Variants in GREB1 observed in about 807,000 individuals in gnomAD.
The protein encoded by GREB1 is protein GREB1.
In GREB1, 106 loss-of-function variants were observed where a neutral mutation model predicts 200.7. The observed-to-expected ratio is 0.53, with a 90% CI of 0.45 to 0.62. The LOEUF is 0.62. GREB1 is among the 20% of genes least tolerant of loss of function. The pLI, the probability that GREB1 is intolerant of heterozygous loss-of-function variation, is 0.00. For synonymous variants in GREB1, 1,132 were observed against 1,092.4 expected, an observed-to-expected ratio of 1.04 and a Z score of -0.72; for missense variants, 2,243 against 2,556.8, an observed-to-expected ratio of 0.88 and a Z score of 2.65.
chr2:11,508,274 T>C (rs1572564689), intron 1 of GREB1, among the ~76,000 whole-genome samples: 1 of 152,318 alleles, frequency 6.6e-6, no homozygotes, highest in African/African-American at 2.4e-5. Flanking sequence ...GGAATTTCTA[T>C]TTCCTCCAGG....
chr2:11,490,684 G>A (rs1672757106), intron 1 of GREB1, among the ~76,000 whole-genome samples: 1 of 152,180 alleles, frequency 6.6e-6, no homozygotes, highest in South Asian at 2.1e-4. Flanking sequence ...GAGTAGCTGG[G>A]ATTACAGGCG....
chr2:11,585,977 G>A (rs940574892), intron 9 of GREB1, 72 bp downstream of exon 9: 3 of 1,498,124 alleles, frequency 2.0e-6, no homozygotes, highest in Non-Finnish European at 2.8e-6. Flanking sequence ...AGGCAAAAGC[G>A]AGACCTCATC....
chr2:11,574,040 A>C (rs529195198), intron 4 of GREB1, among the ~76,000 whole-genome samples: 4 of 152,358 alleles, frequency 2.6e-5, no homozygotes, highest in Non-Finnish European at 4.4e-5. Context: ...GTTCTTAGGC[A>C]GCAGTTGAGC....
rs772273439 is a variant in GREB1, at chr2:11,634,368, G to A, written c.5210+19G>A. 2 of 1,593,634 alleles carry A rather than the reference G, an allele frequency of 1.3e-6. No homozygotes were observed. Among genetic ancestry groups the A allele is most frequent in the Non-Finnish European group, 1.7e-6 (2 of 1,166,048 alleles). On this transcript the variant is annotated intron_variant, in intron 29 of 32. Transcript: ENST00000381486. ...AGAACCGGTGAGCTCCTGCACCTGG[G>A]GCAGAGGCGGCGGCAGCCCTGGGGG...
At chr2:11,607,460 GTATATA>G (rs780299705) in intron 17 of GREB1, among the ~76,000 whole-genome samples, 2 of 36,894 alleles carry the variant, frequency 5.4e-5, no homozygotes, top group African/African-American at 1.2e-4. Context: ...GTGTGTGTGT[GTATATA>G]TATATACACA....
intron 16 of GREB1, among the ~76,000 whole-genome samples, chr2:11,602,092 GA>G (rs575921887): frequency 1.3e-5 from 2 of 152,276 alleles, no homozygotes; most frequent in South Asian, 4.1e-4. Flanking sequence ...TAAGATTGTA[GA>G]AAGAAGCAAA....
intron 1 of GREB1, among the ~76,000 whole-genome samples, chr2:11,525,922 G>A (rs947644691): frequency 1.3e-5 from 2 of 152,200 alleles, no homozygotes; most frequent in African/African-American, 2.4e-5. Flanking sequence ...TTTGGGCTGC[G>A]TGGAGTCAAG....
At chr2:11,524,002 GGATCACAGT>G in intron 1 of GREB1, among the ~76,000 whole-genome samples, 1 of 152,026 alleles carries the variant, frequency 6.6e-6, no homozygotes, top group African/African-American at 2.4e-5. Flanking sequence ...TACAGGAAAG[GGATCACAGT>G]GTATCATGTC....
intron 20 of GREB1, among the ~76,000 whole-genome samples, 197 bp from the exon 21 acceptor site, chr2:11,616,434 G>A (rs1683413254): frequency 6.6e-6 from 1 of 152,244 alleles, no homozygotes. Flanking sequence ...CACCCAGAGT[G>A]CCTCCCTGCA....
At chr2:11,489,650 G>T (rs763218861) in intron 1 of GREB1, among the ~76,000 whole-genome samples, 2 of 152,044 alleles carry the variant, frequency 1.3e-5, no homozygotes, top group Non-Finnish European at 1.5e-5. Flanking sequence ...ATAAAATAAG[G>T]GACTCATGCG....
At position 11,618,313 on chromosome 2, in the gene GREB1, G is replaced by T; in HGVS notation, c.3438G>T (p.Ser1146=). The change falls in exon 22 of 33, where the codon TCG becomes TCT. Residue 1146 remains serine, a synonymous_variant. Transcript: ENST00000381486. Reference sequence around the variant, plus strand: ...GTTCAGCGCTCGGTGGCGAGTCCTCGGCTCAGCCCACAGCACTCCCCCAGG... The same window carrying T: ...GTTCAGCGCTCGGTGGCGAGTCCTCTGCTCAGCCCACAGCACTCCCCCAGG... ...ASGSALGGES[S]AQPTALPQGE... is the part of the protein sequence containing the mutation. 1.9e-6 allele frequency: 3 copies of T among 1,575,038 alleles called. No homozygotes were observed. The highest frequency in any genetic ancestry group is 2.6e-6 in the Non-Finnish European group (3 of 1,159,620).
rs1572711377 is a variant in GREB1 at position 11,562,463 on chromosome 2, G to A, written c.158G>A (p.Gly53Asp). 6.2e-7 allele frequency: 1 copy of A among 1,612,390 alleles called. No homozygotes were observed. The highest frequency in any genetic ancestry group is 8.5e-7 in the Non-Finnish European group (1 of 1,179,162). The change falls in exon 3 of 33, where the codon GGT becomes GAT. Residue 53 changes from glycine to aspartate, a missense_variant and splice_region_variant. Physicochemically the swap from Gly to Asp is moderately conservative, Grantham distance 94 (BLOSUM62 -1). Around this residue, in one of 3 missense-constraint regions of GREB1, gnomAD observed 1,178 missense variants for 1,387.4 expected, o/e 0.85. Transcript: ENST00000381486. ...TCATCACTCTTCTTCCCGCATCTAGGTGGTAGCCGAGTGGACAATGAGGAA... is the reference window on the plus strand; with the variant it reads ...TCATCACTCTTCTTCCCGCATCTAGATGGTAGCCGAGTGGACAATGAGGAA... The part of the protein sequence containing the change: ...EAEQQLAALE[G>D]GSRVDNEEEE...
rs73917246 is a variant in GREB1, at chr2:11,526,997, C to A, written c.-158-29460C>A. 7.1e-3 allele frequency among the ~76,000 whole-genome samples: 1,088 copies of A among 152,244 alleles called. 21 individuals carry two copies. The highest frequency in any genetic ancestry group is 0.025 in the African/African-American group (1,031 of 41,554). ...GATAAGGATGTTGCTCTTTTTCACACATGCCTCATCCTCCCTACACAGACA... is the reference window on the plus strand; with the variant it reads ...GATAAGGATGTTGCTCTTTTTCACAAATGCCTCATCCTCCCTACACAGACA... On this transcript the variant is annotated intron_variant, in intron 1 of 2. Transcript: ENST00000628795.
At chr2:11,508,348 G>T (rs1283805031) in intron 1 of GREB1, among the ~76,000 whole-genome samples, 1 of 152,206 alleles carries the variant, frequency 6.6e-6, no homozygotes, top group African/African-American at 2.4e-5. Flanking sequence ...ACCATCCTCT[G>T]CATCGGGACA....
At chr2:11,497,666 T>C (rs115890660) in intron 1 of GREB1, among the ~76,000 whole-genome samples, 1 of 152,336 alleles carries the variant, frequency 6.6e-6, no homozygotes, top group Non-Finnish European at 1.5e-5. Context: ...TTAGCTGTTA[T>C]GATAGATGCA....
intron 1 of GREB1, among the ~76,000 whole-genome samples, chr2:11,539,027 T>C (rs1453400848): frequency 1.8e-4 from 6 of 33,794 alleles, no homozygotes; most frequent in Non-Finnish European, 2.5e-4. Context: ...CCTTCTCTTC[T>C]CTTCTCTTCT....
intron 18 of GREB1, chr2:11,612,180 C>T (rs530382987): frequency 5.4e-4 from 203 of 377,774 alleles, no homozygotes; most frequent in African/African-American, 4.6e-3. Context: ...GGTGACTCAG[C>T]GAGACTCTGT....
At chr2:11,550,681 T>G (rs1031985802) in intron 1 of GREB1, among the ~76,000 whole-genome samples, 2 of 152,238 alleles carry the variant, frequency 1.3e-5, no homozygotes, top group Non-Finnish European at 2.9e-5. Flanking sequence ...GGACTGGGCT[T>G]GGAAAGGACA....
At position 11,509,333 on chromosome 2, in the gene GREB1, T is replaced by A. The variant is rs532353399; in HGVS notation, c.-159+26952T>A. On this transcript the variant is annotated intron_variant, in intron 1 of 2. Coordinates refer to the GREB1 transcript ENST00000628795. ...GCCCCCATATATATATTTCCCAGATTTAAAAAAATTAGCAACATGTGGGCG... is the reference window on the plus strand; with the variant it reads ...GCCCCCATATATATATTTCCCAGATATAAAAAAATTAGCAACATGTGGGCG... 4.6e-5 allele frequency among the ~76,000 whole-genome samples: 7 copies of A among 152,326 alleles called. No homozygotes were observed. In the South Asian group the frequency reaches 1.2e-3, roughly 27 times the overall value.
Sources: allele counts gnomAD v4.1 joint callset (sites outside exome capture counted in the v4.1 genomes callset), GRCh38; gene constraint gnomAD v4.1.1; regional missense constraint gnomAD v4.1.1; transcripts MANE v1.5; gene names NCBI Gene and HGNC (gene_info 2026-07-23, HGNC 2026-07-21).